SPATA17: variants seen among roughly 807,000 people sequenced by gnomAD.
SPATA17 encodes spermatogenesis associated 17.
Under a neutral mutation model 62.2 loss-of-function variants are expected in SPATA17, and 53 were observed. That is an observed-to-expected ratio of 0.85 (90% CI 0.68 to 1.07). The LOEUF is 1.07. SPATA17 is among the 50% of genes least tolerant of loss of function. SPATA17 has a pLI of 0.00. For synonymous variants in SPATA17, 146 were observed against 146.8 expected (o/e 0.99, Z 0.04); for missense variants, 466 against 425.5 (o/e 1.10, Z -0.84).
At chr1:217,800,469 C>T (rs150877764) in intron 8 of SPATA17, among the ~76,000 whole-genome samples, 40 of 151,640 alleles carry the variant, frequency 2.6e-4, no homozygotes, top group South Asian at 6.2e-4. Context: ...TTCCTCTGTA[C>T]GTGCTTTCCT....
At chr1:217,792,129 A>G (rs1674006703) in intron 8 of SPATA17, among the ~76,000 whole-genome samples, 2 of 152,208 alleles carry the variant, frequency 1.3e-5, no homozygotes. Flanking sequence ...AATTTGTGTT[A>G]GGCTGCATGT....
At chr1:217,864,472 C>T (rs1181608719) in intron 10 of SPATA17, among the ~76,000 whole-genome samples, 1 of 151,956 alleles carries the variant, frequency 6.6e-6, no homozygotes, top group Non-Finnish European at 1.5e-5. Context: ...TCTTATTTCA[C>T]TTAAATATAT....
chr1:217,814,183 C>G (rs1019954815), intron 9 of SPATA17, among the ~76,000 whole-genome samples: 1 of 152,106 alleles, frequency 6.6e-6, no homozygotes, highest in African/African-American at 2.4e-5. Context: ...GCATTTGATT[C>G]TAAAATATTT....
chr1:217,840,949 A>G (rs1299496175), intron 9 of SPATA17, among the ~76,000 whole-genome samples: 1 of 152,032 alleles, frequency 6.6e-6, no homozygotes, highest in East Asian at 1.9e-4. Context: ...ATATACTTAT[A>G]TAATGATATG....
intron 4 of SPATA17, among the ~76,000 whole-genome samples, chr1:217,681,435 G>T (rs911295623): frequency 6.6e-6 from 1 of 151,662 alleles, no homozygotes; most frequent in Non-Finnish European, 1.5e-5. Context: ...GTGCAGTGGT[G>T]CAATCTCGGC....
chr1:217,789,062 T>A (rs1374086164), intron 8 of SPATA17, among the ~76,000 whole-genome samples: 1 of 152,162 alleles, frequency 6.6e-6, no homozygotes, highest in Non-Finnish European at 1.5e-5. Flanking sequence ...TGACTGGAGT[T>A]TCCCTATGAA....
At position 217,774,357 on chromosome 1, in the gene SPATA17, C is replaced by A. The variant is rs751159758; in HGVS notation, c.543C>A (p.Pro181=). 9.9e-6 allele frequency: 16 copies of A among 1,613,818 alleles called. No individual in the cohort carries two copies. The highest frequency in any genetic ancestry group is 1.4e-5 in the Non-Finnish European group (16 of 1,179,822). The stretch of plus-strand genomic sequence containing the variant: ...AGATTCCAGGAATATACAATTCACC[C>A]TTCAGAAAAGAGCCTGATCCATGGG... ...TKQIPGIYNS[P]FRKEPDPWEL... is the part of the protein sequence containing the mutation. Residue 181 remains proline (P), a synonymous_variant, in exon 7 of 11, where the codon CCC becomes CCA. Transcript: ENST00000366933.
chr1:217,796,543 A>G (rs1674155688), intron 8 of SPATA17, among the ~76,000 whole-genome samples: 1 of 152,176 alleles, frequency 6.6e-6, no homozygotes, highest in Admixed American at 6.5e-5. Flanking sequence ...TTTAAACATT[A>G]CATTTCTGTC....
At chr1:217,745,810 A>G (rs1672733312) in intron 6 of SPATA17, among the ~76,000 whole-genome samples, 1 of 152,064 alleles carries the variant, frequency 6.6e-6, no homozygotes, top group Non-Finnish European at 1.5e-5. Context: ...TCAACTTTTC[A>G]CTACTGCTTA....
At chr1:217,711,404 C>A (rs964838341) in intron 5 of SPATA17, among the ~76,000 whole-genome samples, 1 of 152,040 alleles carries the variant, frequency 6.6e-6, no homozygotes, top group Admixed American at 6.6e-5. Context: ...ATCTTGGGTA[C>A]ATCATGAAAG....
At chr1:217,771,642 A>G (rs2102970259) in intron 6 of SPATA17, among the ~76,000 whole-genome samples, 1 of 152,336 alleles carries the variant, frequency 6.6e-6, no homozygotes, top group Non-Finnish European at 1.5e-5. Context: ...AATTTCTAAA[A>G]TACTGACACC....
chr1:217,815,373 G>T (rs1488199803), intron 9 of SPATA17, among the ~76,000 whole-genome samples: 1 of 152,152 alleles, frequency 6.6e-6, no homozygotes, highest in Non-Finnish European at 1.5e-5. Flanking sequence ...TTGGCCTGGA[G>T]AATTCGAATG....
intron 5 of SPATA17, among the ~76,000 whole-genome samples, chr1:217,716,538 A>T (rs1035373957): frequency 6.6e-6 from 1 of 152,210 alleles, no homozygotes; most frequent in African/African-American, 2.4e-5. Flanking sequence ...ATGCTTGCTG[A>T]TAAAATATTC....
intron 9 of SPATA17, among the ~76,000 whole-genome samples, chr1:217,859,411 G>A (rs772213872): frequency 6.0e-5 from 9 of 151,232 alleles, no homozygotes; most frequent in East Asian, 3.9e-4. Flanking sequence ...GTCTTGCTAC[G>A]TATATATATA....
intron 6 of SPATA17, among the ~76,000 whole-genome samples, chr1:217,749,487 C>T (rs888452258): frequency 1.3e-5 from 2 of 151,866 alleles, no homozygotes; most frequent in African/African-American, 4.8e-5. Flanking sequence ...CCAAATCAGA[C>T]TTTACATTAA....
intron 5 of SPATA17, among the ~76,000 whole-genome samples, chr1:217,704,869 G>A (rs1199368807): frequency 6.6e-6 from 1 of 152,148 alleles, no homozygotes; most frequent in Non-Finnish European, 1.5e-5. Flanking sequence ...GAACAGACAT[G>A]AGCACATGTC....
intron 9 of SPATA17, among the ~76,000 whole-genome samples, chr1:217,845,252 A>G (rs1675496748): frequency 6.6e-6 from 1 of 152,000 alleles, no homozygotes; most frequent in Admixed American, 6.6e-5. Context: ...CCATAGGCCT[A>G]TATAATTTTT....
chr1:217,716,288 G>A (rs968484086), intron 5 of SPATA17, among the ~76,000 whole-genome samples: 4 of 152,134 alleles, frequency 2.6e-5, no homozygotes, highest in Admixed American at 6.5e-5. Flanking sequence ...GAATAGAAAC[G>A]TGAAAGAAGT....
chr1:217,782,546 G>A (rs533026624), intron 8 of SPATA17, among the ~76,000 whole-genome samples: 3 of 152,034 alleles, frequency 2.0e-5, no homozygotes, highest in East Asian at 3.9e-4. Context: ...AAAAAAGATC[G>A]GCATTTTGAG....
Sources: gnomAD v4.1 joint callset for allele counts (sites outside exome capture counted in the v4.1 genomes callset) on GRCh38, gnomAD v4.1.1 for gene constraint, MANE v1.5 for transcripts, NCBI Gene and HGNC (gene_info 2026-07-23, HGNC 2026-07-21) for gene names.